The following RRN3 variants were observed in gnomAD, a reference collection of about 807,000 sequenced individuals.
The protein encoded by RRN3 is RNA polymerase I-specific transcription initiation factor RRN3.
In RRN3, 38 loss-of-function variants were observed where a neutral mutation model predicts 82.3. The observed-to-expected ratio is 0.46, with a 90% CI of 0.36 to 0.61. RRN3 has a LOEUF of 0.61. RRN3 is among the 20% of genes least tolerant of loss of function. The pLI, the probability that RRN3 is intolerant of heterozygous loss-of-function variation, is 0.00. For synonymous variants in RRN3, 284 were observed against 284.3 expected, an observed-to-expected ratio of 1.00 and a Z score of 0.01; for missense variants, 726 against 793.1, an observed-to-expected ratio of 0.92 and a Z score of 1.02.
At chr16:15,088,931 G>A (rs1598001074) in intron 3 of RRN3, among the ~76,000 whole-genome samples, 1 of 151,950 alleles carries the variant, frequency 6.6e-6, no homozygotes, top group East Asian at 1.9e-4. Flanking sequence ...ATGAAAGATG[G>A]AGCCCAGCCA....
chr16:15,084,287 T>C (rs996405108), intron 7 of RRN3, among the ~76,000 whole-genome samples: 1 of 149,260 alleles, frequency 6.7e-6, no homozygotes, highest in Non-Finnish European at 1.5e-5. Context: ...CCCACAAACC[T>C]GAAAAGCTTT....
Position 15,092,551 on chromosome 16 carries a change from C to T in RRN3, c.153G>A (p.Arg51=). The part of the protein sequence containing the change: ...FFNSPPRKTV[R]FGGTVTEVLL... Reference sequence around the variant, plus strand: ...AGACTTCTGTCACAGTTCCACCAAACCGAACAGTTTTTCTTGGGGGAGAAT... The same window carrying T: ...AGACTTCTGTCACAGTTCCACCAAATCGAACAGTTTTTCTTGGGGGAGAAT... Residue 51 remains arginine, a synonymous_variant, in exon 2 of 18, where the codon CGG becomes CGA. Coordinates refer to ENST00000198767, the MANE Select transcript of RRN3 (RefSeq NM_018427.5). The T allele has an allele frequency of 6.2e-7, 1 of 1,613,638 alleles. No homozygotes were observed.
chr16:15,094,186 A>C lies in RRN3; in HGVS notation c.48T>G (p.Ala16=). ...CCAGCTTCTTAACTGCAGAGGACGA[A>C]GCGGCCGCATCTCCCGGCAAACGCG... is the stretch of plus-strand genomic sequence containing the variant. ...LHTRLPGDAA[A]SSSAVKKLGA... Residue 16 remains alanine, a synonymous_variant, in exon 1 of 18, where the codon GCT becomes GCG. Coordinates refer to ENST00000198767, the MANE Select transcript of RRN3 (RefSeq NM_018427.5). 1.2e-6 allele frequency: 2 copies of C among 1,601,742 alleles called. No homozygotes were observed. The highest frequency in any genetic ancestry group is 1.7e-6 in the Non-Finnish European group (2 of 1,174,616).
In RRN3 at chr16:15,071,205, T is replaced by C; in HGVS notation, c.1175A>G (p.Asp392Gly). The stretch of plus-strand genomic sequence containing the variant: ...CCTGATGATGGCAGGATTACTTGGG[T>C]CCTGCAATTTTTTCCAGAGATGTTC... ...FLEHLWKKLQ[D>G]PSNPAIIRQA... The change falls in exon 13 of 18, where the codon GAC (aspartate) becomes GGC (glycine). Residue 392 changes from aspartate to glycine, a missense_variant. Asp to Gly is a moderately conservative substitution (Grantham distance 94). Around this residue, in one of 4 missense-constraint regions of RRN3, gnomAD observed 344 missense variants for 394.5 expected, o/e 0.87. Transcript: ENST00000198767. The C allele has an allele frequency of 6.2e-7, 1 of 1,611,136 alleles. No individual in the cohort carries two copies. The highest frequency in any genetic ancestry group is 1.1e-5 in the South Asian group (1 of 90,676).
chr16:15,064,319 G>C (rs184136275), intron 16 of RRN3, among the ~76,000 whole-genome samples: 1 of 152,082 alleles, frequency 6.6e-6, no homozygotes, highest in East Asian at 1.9e-4. Context: ...GGAATTACAG[G>C]CGCCACCACC....
In RRN3 at chr16:15,094,214, T is replaced by G. The variant is rs776893547; in HGVS notation, c.20A>C (p.His7Pro). The G allele has an allele frequency of 1.3e-6, 2 of 1,595,732 alleles. No homozygotes were observed. Among genetic ancestry groups the G allele is most frequent in the Non-Finnish European group, 1.7e-6 (2 of 1,171,818 alleles). The part of the protein sequence containing the change: MAAPLL[H>P]TRLPGDAAAS... ...GGCCGCATCTCCCGGCAAACGCGTGTGAAGCAGCGGTGCCGCCATTGGGCC... is the reference window on the plus strand; with the variant it reads ...GGCCGCATCTCCCGGCAAACGCGTGGGAAGCAGCGGTGCCGCCATTGGGCC... The change falls in exon 1 of 18, where the codon CAC (histidine) becomes CCC (proline). Residue 7 changes from histidine to proline, a missense_variant. Physicochemically the swap from His to Pro is moderately conservative, Grantham distance 77. Coordinates refer to ENST00000198767, the MANE Select transcript of RRN3 (RefSeq NM_018427.5).
At chr16:15,074,974 G>C in intron 10 of RRN3, 113 bp from the exon 11 acceptor site, 1 of 1,109,008 alleles carries the variant, frequency 9.0e-7, no homozygotes, top group Non-Finnish European at 1.3e-6. Flanking sequence ...AAGAGGCTGG[G>C]GAAAGCGGCT....
In RRN3 at chr16:15,086,273, GA is replaced by G. The variant is rs201619255; in HGVS notation, c.343-16del. The G allele has an allele frequency of 0.012, 18,109 of 1,562,478 alleles. 154 individuals are homozygous for G. Among genetic ancestry groups the G allele is most frequent in the Non-Finnish European group, 0.013 (14,533 of 1,148,086 alleles). On this transcript the variant is annotated splice_polypyrimidine_tract_variant and intron_variant, in intron 4 of 17. Coordinates refer to ENST00000198767, the MANE Select transcript of RRN3 (RefSeq NM_018427.5). ...CAAGGCAATCTCTAGAGTGGGGGAA[GA>G]AAGATAAAAGCAGCATGTTATTAAT...
intron 4 of RRN3, 42 bp from the exon 5 acceptor site, chr16:15,086,300 A>G (rs1567220333): frequency 6.9e-6 from 11 of 1,596,640 alleles, no homozygotes; most frequent in African/African-American, 2.7e-5. Context: ...TGTTATTAAT[A>G]TAACATATAC....
chr16:15,078,345 C>T (rs544745230), intron 9 of RRN3, among the ~76,000 whole-genome samples: 16 of 152,120 alleles, frequency 1.1e-4, no homozygotes, highest in Non-Finnish European at 1.6e-4. Context: ...TCCTAAACCA[C>T]GCCTCTTAGC....
intron 10 of RRN3, among the ~76,000 whole-genome samples, chr16:15,075,842 TGCTGTGAGTACTG>T (rs1241705886): frequency 6.6e-6 from 1 of 152,136 alleles, no homozygotes; most frequent in African/African-American, 2.4e-5. Context: ...ACCTCCCCAC[TGCTGTGAGTACTG>T]GCGGCCAATA....
Position 15,072,993 on chromosome 16 carries a change from C to G in RRN3, c.1085G>C (p.Cys362Ser), listed in dbSNP as rs2045300471. Residue 362 changes from cysteine (C) to serine (S), a missense_variant, in exon 12 of 18, where the codon TGC becomes TCC. By Grantham distance (112) the Cys-to-Ser change is moderately radical. This residue lies in a region of RRN3 where 344 missense variants were observed against 394.5 expected (regional missense o/e 0.87). Coordinates refer to ENST00000198767, the MANE Select transcript of RRN3 (RefSeq NM_018427.5). Reference protein sequence around the residue: ...DKLLLPTHASCHVQFFMFYLC... With the variant: ...DKLLLPTHASSHVQFFMFYLC... ...GTAAAACATGAAAAACTGTACATGG[C>G]AGGAGGCATGGGTGGGCAACAGGAG... is the stretch of plus-strand genomic sequence containing the variant. 1 of 1,613,734 alleles carries G rather than the reference C, an allele frequency of 6.2e-7. No homozygotes were observed. The highest frequency in any genetic ancestry group is 1.7e-5 in the Admixed American group (1 of 59,944).
At chr16:15,089,557 T>C (rs2046036627) in intron 3 of RRN3, among the ~76,000 whole-genome samples, 2 of 152,008 alleles carry the variant, frequency 1.3e-5, no homozygotes, top group African/African-American at 2.4e-5. Flanking sequence ...TCCCAGCACT[T>C]TGGGAGGCCA....
chr16:15,062,827 G>A (rs1306454511), intron 17 of RRN3, among the ~76,000 whole-genome samples: 3 of 152,320 alleles, frequency 2.0e-5, no homozygotes, highest in Non-Finnish European at 4.4e-5. Context: ...CCTGGGCCTG[G>A]AATTTTATAA....
Position 15,078,864 on chromosome 16 carries a change from C to T in RRN3, c.765+1134G>A, listed in dbSNP as rs533319366. Reference sequence around the variant, plus strand: ...TCTTGCTCTGTCACCCAGGCTGGAGCGGAGTGGCGCAATCTCGGCTCACTG... The same window carrying T: ...TCTTGCTCTGTCACCCAGGCTGGAGTGGAGTGGCGCAATCTCGGCTCACTG... On this transcript the variant is annotated intron_variant, in intron 9 of 17. Coordinates refer to ENST00000198767, the MANE Select transcript of RRN3 (RefSeq NM_018427.5). Among the ~76,000 whole-genome samples, 13 of 147,038 alleles carry T rather than the reference C, an allele frequency of 8.8e-5. No homozygotes were observed. The East Asian group carries it at 1.0e-3, about 11-fold the overall frequency.
chr16:15,089,571 CG>C (rs1021938513), intron 3 of RRN3, among the ~76,000 whole-genome samples: 1 of 151,940 alleles, frequency 6.6e-6, no homozygotes, highest in Admixed American at 6.6e-5. Flanking sequence ...GAGGCCAAGG[CG>C]GGCGGATCAC....
chr16:15,080,234 C>G, intron 8 of RRN3, 138 bp from the exon 9 acceptor site: 1 of 1,123,614 alleles, frequency 8.9e-7, no homozygotes, highest in Non-Finnish European at 1.2e-6. Context: ...AATACAAAAA[C>G]TATACTGTTT....
In RRN3 at chr16:15,060,500, G is replaced by A. The variant is rs1735408494; in HGVS notation, c.*1244C>T. The stretch of plus-strand genomic sequence containing the variant: ...AAATATTTATGATCAAGAAAATATT[G>A]CTTGCCTTTAAATAAAGTGGCAGAA... On this transcript the variant is annotated 3_prime_UTR_variant, in exon 18 of 18. Transcript: ENST00000198767. The A allele has an allele frequency of 6.5e-6, 1 of 154,334 alleles. No individual in the cohort carries two copies. Among genetic ancestry groups the A allele is most frequent in the African/African-American group, 2.4e-5 (1 of 41,450 alleles). 9.6% of individuals were successfully genotyped at this position (154,334 alleles called of 1,614,324 possible).
chr16:15,087,421 G>C (rs537549333), intron 3 of RRN3, among the ~76,000 whole-genome samples: 151 of 152,172 alleles, frequency 9.9e-4, no homozygotes, highest in Admixed American at 1.8e-3. Context: ...AAAGAAGCAG[G>C]TCCAAACCCG....
Sources: allele counts gnomAD v4.1 joint callset (sites outside exome capture counted in the v4.1 genomes callset), GRCh38; gene constraint gnomAD v4.1.1; regional missense constraint gnomAD v4.1.1; transcripts MANE v1.5; gene names NCBI Gene and HGNC (gene_info 2026-07-23, HGNC 2026-07-21).